GANAB: variants seen among roughly 807,000 people sequenced by gnomAD.
GANAB encodes neutral alpha-glucosidase AB.
Under a neutral mutation model 129.9 loss-of-function variants are expected in GANAB, and 35 were observed. The ratio of observed to expected loss-of-function variants is 0.27; its 90% CI spans 0.21 to 0.36. The LOEUF (loss-of-function observed/expected upper bound fraction) is 0.36. Among genes scored for constraint, GANAB ranks in the 10% least tolerant of loss-of-function variants. The probability of loss-of-function intolerance (pLI) is 1.00; values close to 1 mark genes in which losing one functional copy is unlikely to be tolerated. For synonymous variants in GANAB, 482 were observed against 451.8 expected, an observed-to-expected ratio of 1.07 and a Z score of -0.85; for missense variants, 939 against 1,221.0, an observed-to-expected ratio of 0.77 and a Z score of 3.44.
In GANAB at chr11:62,626,433, T is replaced by C. The variant is rs1293370403; in HGVS notation, c.2526A>G (p.Gly842=). 1.2e-6 allele frequency: 2 copies of C among 1,605,310 alleles called. No homozygotes were observed. The highest frequency in any genetic ancestry group is 1.7e-6 in the Non-Finnish European group (2 of 1,172,116). ...VALSPQGTAQ[G]ELFLDDGHTF... ...TGTGCCCATCATCCAGAAAGAGCTC[T>C]CCTTGAGCTGTACCCTGAGCAAGAA... is the stretch of plus-strand genomic sequence containing the variant. Residue 842 remains glycine, a synonymous_variant, in exon 22 of 24, where the codon GGA becomes GGG. Coordinates refer to ENST00000356638, the MANE Select transcript of GANAB (RefSeq NM_198334.3).
At chr11:62,628,138 T>G (rs966866382) in intron 17 of GANAB, among the ~76,000 whole-genome samples, 1 of 151,992 alleles carries the variant, frequency 6.6e-6, no homozygotes, top group Admixed American at 6.6e-5. Context: ...GCTTGGAAGA[T>G]TCTTCCTACA....
In GANAB at chr11:62,639,022, C is replaced by T. The variant is rs149876081; in HGVS notation, c.341G>A (p.Arg114His). Residue 114 changes from arginine (R) to histidine (H), a missense_variant, in exon 4 of 24, where the codon CGT becomes CAT. Physicochemically the swap from Arg to His is conservative, Grantham distance 29. Coordinates refer to ENST00000356638, the MANE Select transcript of GANAB (RefSeq NM_198334.3). Reference sequence around the variant, plus strand: ...ATCAGCCACCAAAACATCTGGTACACGGTATCGGGGTCGCCGAGGCTCCAG... The same window carrying T: ...ATCAGCCACCAAAACATCTGGTACATGGTATCGGGGTCGCCGAGGCTCCAG... Reference protein sequence around the residue: ...DELEPRRPRYRVPDVLVADPP... With the variant: ...DELEPRRPRYHVPDVLVADPP... The T allele has an allele frequency of 6.4e-4, 1,027 of 1,613,976 alleles. 10 individuals carry two copies. Among genetic ancestry groups the T allele is most frequent in the Non-Finnish European group, 5.6e-5 (66 of 1,179,908 alleles).
Position 62,627,346 on chromosome 11 carries a change from A to T in GANAB, c.2188T>A (p.Trp730Arg). The change falls in exon 18 of 24, where the codon TGG becomes AGG. Residue 730 changes from tryptophan to arginine, a missense_variant. Around this residue, in one of 5 missense-constraint regions of GANAB, gnomAD observed 147 missense variants for 282.4 expected, o/e 0.52. Transcript: ENST00000356638. ...GTCACATCCTGAGGGTACTGCACCC[A>T]CAGGGGCCTAGGAAGGAAGAAAGAC... is the stretch of plus-strand genomic sequence containing the variant. ...REGIPVMRPL[W>R]VQYPQDVTTF... 2 of 1,535,618 alleles carry T rather than the reference A, an allele frequency of 1.3e-6. No homozygotes were observed. The highest frequency in any genetic ancestry group is 1.8e-6 in the Non-Finnish European group (2 of 1,108,400).
At chr11:62,640,249 A>AAAAAAAAAAAC (rs1944175463) in intron 1 of GANAB, among the ~76,000 whole-genome samples, 1 of 94,096 alleles carries the variant, frequency 1.1e-5, no homozygotes, top group Non-Finnish European at 2.3e-5. Flanking sequence ...AAAAAAAAAA[A>AAAAAAAAAAAC]AAAGCCAGGC....
chr11:62,632,799 T>G, intron 8 of GANAB, 54 bp from the exon 9 acceptor site: 1 of 1,368,652 alleles, frequency 7.3e-7, no homozygotes, highest in Non-Finnish European at 1.0e-6. Flanking sequence ...CTGCGTTATA[T>G]GCTAACACCA....
intron 18 of GANAB, 59 bp downstream of exon 18, chr11:62,627,230 G>T (rs1466713144): frequency 7.2e-7 from 1 of 1,382,300 alleles, no homozygotes; most frequent in African/African-American, 1.4e-5. Flanking sequence ...CCCTCCCTGG[G>T]CATCCGCAGT....
chr11:62,644,853 TAAAA>T (rs999969697), intron 1 of GANAB, among the ~76,000 whole-genome samples: 2 of 151,744 alleles, frequency 1.3e-5, no homozygotes, highest in African/African-American at 2.4e-5. Flanking sequence ...AATAAATAAA[TAAAA>T]TTTGACAACC....
chr11:62,642,278 C>T (rs1944305316), intron 1 of GANAB, among the ~76,000 whole-genome samples: 1 of 152,068 alleles, frequency 6.6e-6, no homozygotes. Context: ...TGGTCTTAAA[C>T]TCCTGGGCTC....
rs10897289 is a variant in GANAB at position 62,632,544 on chromosome 11, T to C, written c.996+21A>G. ...CCTGGAAGCTTCACTCCCTCCTTTT[T>C]CCCCGTGCCTGTGCTCTCACCTTCC... On this transcript the variant is annotated intron_variant, in intron 9 of 23. Coordinates refer to ENST00000356638, the MANE Select transcript of GANAB (RefSeq NM_198334.3). 0.36 allele frequency: 570,219 copies of C among 1,594,530 alleles called. 107,813 individuals carry two copies. Among genetic ancestry groups the C allele is most frequent in the Non-Finnish European group, 0.4 (463,555 of 1,163,438 alleles).
Position 62,639,374 on chromosome 11 carries a change from G to C in GANAB, c.237C>G (p.Ile79Met). 6.2e-7 allele frequency: 1 copy of C among 1,608,370 alleles called. No individual in the cohort carries two copies. The highest frequency in any genetic ancestry group is 8.5e-7 in the Non-Finnish European group (1 of 1,174,950). ...CTCTCCTGACCTTGGTGACCTCATG[G>C]ATCAGATGGACCGTGAGGGAATCAG... ...LGPDSLTVHL[I>M]HEVTKVLLVL... The change falls in exon 3 of 24, where the codon ATC (isoleucine) becomes ATG (methionine). Residue 79 changes from isoleucine to methionine, a missense_variant. Around this residue, in one of 5 missense-constraint regions of GANAB, gnomAD observed 321 missense variants for 329.1 expected, o/e 0.98. Transcript: ENST00000356638.
chr11:62,641,898 G>GTT (rs146583058), intron 1 of GANAB, among the ~76,000 whole-genome samples: 18 of 146,650 alleles, frequency 1.2e-4, no homozygotes, highest in East Asian at 2.0e-4. Context: ...AAAAGTTGTG[G>GTT]TTTTTGTTTT....
At chr11:62,628,147 C>T (rs766758538) in intron 17 of GANAB, among the ~76,000 whole-genome samples, 1 of 149,634 alleles carries the variant, frequency 6.7e-6, no homozygotes, top group South Asian at 2.1e-4. Context: ...ATTCTTCCTA[C>T]ATAACATGGT....
Position 62,625,074 on chromosome 11 carries a change from A to C in GANAB, c.*741T>G, listed in dbSNP as rs1160547615. ...AAACCACAACTGATTTCTCCATCTT[A>C]AGTGCCCCTCAAAGGGGACAAGAAG... On this transcript the variant is annotated 3_prime_UTR_variant, in exon 24 of 24. Transcript: ENST00000356638. The C allele has an allele frequency of 5.5e-6, 2 of 363,658 alleles. No individual in the cohort carries two copies. The highest frequency in any genetic ancestry group is 1.1e-5 in the Non-Finnish European group (2 of 187,388). 22.5% of individuals were successfully genotyped at this position (363,658 alleles called of 1,614,324 possible). A position where few individuals can be genotyped will look rare whatever the true frequency, so the allele number is the denominator to read the frequency against.
intron 1 of GANAB, 122 bp from the exon 2 acceptor site, chr11:62,639,853 T>C: frequency 4.4e-6 from 3 of 675,228 alleles, no homozygotes; most frequent in Non-Finnish European, 5.4e-6. Flanking sequence ...GGGAGAAAGA[T>C]GTAGTCACAT....
chr11:62,633,517 G>A lies in GANAB; in HGVS notation c.561-3C>T, dbSNP rs759521114. The A allele has an allele frequency of 1.2e-6, 2 of 1,613,794 alleles. No homozygotes were observed. Among genetic ancestry groups the A allele is most frequent in the Non-Finnish European group, 1.7e-6 (2 of 1,179,822 alleles). On this transcript the variant is annotated splice_polypyrimidine_tract_variant and splice_region_variant and intron_variant, in intron 5 of 23. Transcript: ENST00000356638. ...CAGCTGGGTCTTTTGATCCTTGCCT[G>A]GAAGGTAGGAGAGCTGTCTGCTCCA...
chr11:62,627,357 G>C lies in GANAB; in HGVS notation c.2181-4C>G. On this transcript the variant is annotated splice_region_variant and splice_polypyrimidine_tract_variant and intron_variant, in intron 17 of 23. Transcript: ENST00000356638. ...AGGGTACTGCACCCACAGGGGCCTAGGAAGGAAGAAAGACAATAAAGGAAA... is the reference window on the plus strand; with the variant it reads ...AGGGTACTGCACCCACAGGGGCCTACGAAGGAAGAAAGACAATAAAGGAAA... 1.3e-6 allele frequency: 2 copies of C among 1,512,180 alleles called. No individual in the cohort carries two copies. The highest frequency in any genetic ancestry group is 2.2e-5 in the South Asian group (2 of 88,900). 93.7% of individuals were successfully genotyped at this position (1,512,180 alleles called of 1,614,324 possible). A position where few individuals can be genotyped will look rare whatever the true frequency, so the allele number is the denominator to read the frequency against.
chr11:62,634,564 G>A, intron 5 of GANAB: 1 of 620,192 alleles, frequency 1.6e-6, no homozygotes, highest in South Asian at 2.0e-5. Context: ...AGGGGAAGAA[G>A]GAGACACAGA....
rs1944092960 is a variant in GANAB, at chr11:62,638,983, C to T, written c.380G>A (p.Arg127Gln). The T allele has an allele frequency of 1.2e-6, 2 of 1,612,040 alleles. No homozygotes were observed. Among genetic ancestry groups the T allele is most frequent in the African/African-American group, 1.3e-5 (1 of 74,712 alleles). Residue 127 changes from arginine (R) to glutamine (Q), a missense_variant and splice_region_variant, in exon 4 of 24, where the codon CGG becomes CAG. By Grantham distance (43) the Arg-to-Gln change is conservative (BLOSUM62 1). This residue lies in a region of GANAB where 321 missense variants were observed against 329.1 expected (regional missense o/e 0.98). Coordinates refer to ENST00000356638, the MANE Select transcript of GANAB (RefSeq NM_198334.3). The part of the protein sequence containing the change: ...DVLVADPPIA[R>Q]LSVSGRDENS... ...TGGATGTTTCTCAGGAAAAATTTAC[C>T]GGGCTATTGGTGGATCAGCCACCAA...
chr11:62,640,970 T>C (rs1054894942), intron 1 of GANAB, among the ~76,000 whole-genome samples: 3 of 151,194 alleles, frequency 2.0e-5, no homozygotes, highest in African/African-American at 7.3e-5. Flanking sequence ...GGTAGTACCA[T>C]ATGCGTGGAA....
Sources: gnomAD v4.1 joint callset for allele counts (sites outside exome capture counted in the v4.1 genomes callset) on GRCh38, gnomAD v4.1.1 for gene constraint, gnomAD v4.1.1 regional missense constraint, MANE v1.5 for transcripts, NCBI Gene and HGNC (gene_info 2026-07-23, HGNC 2026-07-21) for gene names.